MAP2: variants seen among roughly 807,000 people sequenced by gnomAD.
The protein encoded by MAP2 is microtubule-associated protein 2.
MAP2 carries 14 observed loss-of-function variants against 137.6 expected under a neutral mutation model. The ratio of observed to expected loss-of-function variants is 0.10; its 90% CI spans 0.07 to 0.16. MAP2 has a LOEUF of 0.16. Among genes scored for constraint, MAP2 ranks in the 10% least tolerant of loss-of-function variants. MAP2 has a pLI of 1.00. For missense variants in MAP2, 2,088 were observed against 2,191.5 expected (o/e 0.95, Z 0.94); for synonymous variants, 786 against 782.3 (o/e 1.00, Z -0.08).
intron 14 of MAP2, among the ~76,000 whole-genome samples, chr2:209,726,399 A>G (rs2074016596): frequency 6.6e-6 from 1 of 152,144 alleles, no homozygotes; most frequent in Non-Finnish European, 1.5e-5. Flanking sequence ...TTCTCCCTTT[A>G]AAGTGTGAAT....
intron 1 of MAP2, among the ~76,000 whole-genome samples, chr2:209,459,197 C>T (rs1702200127): frequency 6.6e-6 from 1 of 152,034 alleles, no homozygotes; most frequent in Admixed American, 6.6e-5. Flanking sequence ...TTTATTAGCT[C>T]TCATCTTGGG....
Position 209,693,438 on chromosome 2 carries a change from G to A in MAP2, c.1268G>A (p.Arg423Lys), listed in dbSNP as rs741006. The change falls in exon 8 of 16, where the codon AGG becomes AAG. Residue 423 changes from arginine (R) to lysine (K), a missense_variant. Arg to Lys is a conservative substitution (Grantham distance 26, BLOSUM62 2). Coordinates refer to ENST00000682079, the MANE Select transcript of MAP2 (RefSeq NM_001375505.1). ...ATAAATCAAGAGACTGTGCAGCAAA[G>A]GGATACTTTCACCCCCAGTGGACAG... ...EAINQETVQQ[R>K]DTFTPSGQEP... The A allele has an allele frequency of 0.084, 135,215 of 1,613,556 alleles. 8,152 individuals carry two copies. The highest frequency in any genetic ancestry group is 0.26 in the African/African-American group (19,557 of 74,862).
At chr2:209,683,295 A>G (rs2055564958) in intron 7 of MAP2, among the ~76,000 whole-genome samples, 2 of 152,340 alleles carry the variant, frequency 1.3e-5, no homozygotes, top group African/African-American at 4.8e-5. Flanking sequence ...AAAGTAATTC[A>G]AAGTTATTTT....
chr2:209,666,498 A>G (rs79129735), intron 5 of MAP2, among the ~76,000 whole-genome samples: 19 of 152,198 alleles, frequency 1.2e-4, no homozygotes, highest in Admixed American at 5.2e-4. Context: ...TTCAGTTGGA[A>G]TAACAGTAGT....
rs905723988 is a variant in MAP2 at position 209,514,781 on chromosome 2, G to A, written c.-172+7140G>A. 3.3e-5 allele frequency among the ~76,000 whole-genome samples: 5 copies of A among 152,074 alleles called. No homozygotes were observed. In the East Asian group the frequency reaches 9.6e-4, roughly 29 times the overall value. ...TATAAATCAACGTGAGACTTGTTAA[G>A]CTTCATCAGTTATTCACCTGAGAAT... is the stretch of plus-strand genomic sequence containing the variant. On this transcript the variant is annotated intron_variant, in intron 2 of 15. Coordinates refer to ENST00000682079, the MANE Select transcript of MAP2 (RefSeq NM_001375505.1).
chr2:209,551,635 T>C (rs2069185689), intron 2 of MAP2, among the ~76,000 whole-genome samples: 1 of 152,192 alleles, frequency 6.6e-6, no homozygotes, highest in Non-Finnish European at 1.5e-5. Context: ...AGAATTTTCA[T>C]TTTAAAGATT....
chr2:209,593,725 TATATA>T (rs1268985585), intron 3 of MAP2, among the ~76,000 whole-genome samples: 3 of 40,726 alleles, frequency 7.4e-5, no homozygotes, highest in Non-Finnish European at 1.3e-4. Context: ...TATATATAAA[TATATA>T]ATATAATACA....
chr2:209,680,716 A>G, intron 6 of MAP2, 34 bp from the exon 7 acceptor site: 1 of 1,562,348 alleles, frequency 6.4e-7, no homozygotes, highest in Non-Finnish European at 8.8e-7. Context: ...AGGATTAATT[A>G]TTGCATCTCA....
chr2:209,571,862 A>T (rs2074447322), intron 2 of MAP2, among the ~76,000 whole-genome samples: 1 of 152,000 alleles, frequency 6.6e-6, no homozygotes, highest in African/African-American at 2.4e-5. Flanking sequence ...CAATAAGAAT[A>T]ACCTGTCTTT....
intron 2 of MAP2, among the ~76,000 whole-genome samples, chr2:209,544,604 C>G (rs1021630579): frequency 6.6e-6 from 1 of 152,186 alleles, no homozygotes; most frequent in Non-Finnish European, 1.5e-5. Flanking sequence ...GAAGCCGCAT[C>G]TCTCTTCTGT....
At chr2:209,701,568 G>A (rs1285606387) in intron 11 of MAP2, among the ~76,000 whole-genome samples, 2 of 151,884 alleles carry the variant, frequency 1.3e-5, no homozygotes, top group African/African-American at 4.8e-5. Flanking sequence ...ACAATTCTTA[G>A]CTTACCCTTC....
intron 1 of MAP2, among the ~76,000 whole-genome samples, chr2:209,453,861 TAGA>T (rs1700856691): frequency 6.6e-6 from 1 of 151,826 alleles, no homozygotes; most frequent in East Asian, 1.9e-4. Context: ...CTAAAAAAAA[TAGA>T]GGACAGGCCG....
chr2:209,583,411 A>G (rs1224622111), intron 3 of MAP2, among the ~76,000 whole-genome samples: 1 of 152,120 alleles, frequency 6.6e-6, no homozygotes, highest in Non-Finnish European at 1.5e-5. Flanking sequence ...CATAATCTAT[A>G]TAAGAAAATT....
At chr2:209,723,457 C>T (rs2072263058) in intron 13 of MAP2, 2 of 631,902 alleles carry the variant, frequency 3.2e-6, no homozygotes, top group Admixed American at 2.6e-5. Flanking sequence ...TTCTTCAGTT[C>T]CAGTGTTAGA....
chr2:209,719,223 G>A (rs1022509660), intron 13 of MAP2, among the ~76,000 whole-genome samples: 3 of 152,156 alleles, frequency 2.0e-5, no homozygotes, highest in African/African-American at 7.2e-5. Context: ...GATGGAGGAA[G>A]AGAGAAACGG....
At chr2:209,424,801 A>C (rs1053408883) in intron 1 of MAP2, among the ~76,000 whole-genome samples, 1 of 152,122 alleles carries the variant, frequency 6.6e-6, no homozygotes, top group African/African-American at 2.4e-5. Flanking sequence ...GAGGACTGAT[A>C]TTTATAATTG....
chr2:209,663,403 C>T (rs762697580), intron 5 of MAP2, among the ~76,000 whole-genome samples: 2 of 152,142 alleles, frequency 1.3e-5, no homozygotes, highest in East Asian at 1.9e-4. Flanking sequence ...CCTGCCGGCT[C>T]ACTGTGTAGC....
intron 1 of MAP2, among the ~76,000 whole-genome samples, chr2:209,506,573 T>C (rs1215288876): frequency 2.0e-5 from 3 of 152,220 alleles, no homozygotes; most frequent in Non-Finnish European, 4.4e-5. Context: ...TTTTGTTTAC[T>C]ATCTGTTCAA....
At chr2:209,515,424 G>C (rs544183629) in intron 2 of MAP2, among the ~76,000 whole-genome samples, 4 of 152,074 alleles carry the variant, frequency 2.6e-5, no homozygotes, top group Admixed American at 6.6e-5. Context: ...GTTCTGCATG[G>C]CTGGGGAGGC....
Sources: allele counts gnomAD v4.1 joint callset (sites outside exome capture counted in the v4.1 genomes callset), GRCh38; gene constraint gnomAD v4.1.1; transcripts MANE v1.5; gene names NCBI Gene and HGNC (gene_info 2026-07-23, HGNC 2026-07-21).